Variants in CSMD1 observed in about 807,000 individuals in gnomAD.
The protein encoded by CSMD1 is CUB and sushi domain-containing protein 1.
In CSMD1, 213 loss-of-function variants were observed where a neutral mutation model predicts 417.5. The ratio of observed to expected loss-of-function variants is 0.51; its 90% CI spans 0.46 to 0.57. The LOEUF (loss-of-function observed/expected upper bound fraction) is 0.57, where lower values mean the gene tolerates loss of function less well. Among genes scored for constraint, CSMD1 ranks in the 20% least tolerant of loss-of-function variants. CSMD1 has a pLI of 0.00. For synonymous variants in CSMD1, 2,862 were observed against 1,736.8 expected (o/e 1.65, Z -16.11); for missense variants, 6,923 against 4,529.7 (o/e 1.53, Z -15.17).
chr8:4,753,318 G>A (rs1387953720), intron 1 of CSMD1, among the ~76,000 whole-genome samples: 1 of 151,596 alleles, frequency 6.6e-6, no homozygotes, highest in African/African-American at 2.4e-5. Flanking sequence ...TAAATGACCA[G>A]GATAAAAGGG....
chr8:4,002,165 T>G (rs1462148177), intron 4 of CSMD1, among the ~76,000 whole-genome samples: 1 of 152,054 alleles, frequency 6.6e-6, no homozygotes, highest in Non-Finnish European at 1.5e-5. Context: ...CAGAAAATCT[T>G]TAGCACAGAA....
chr8:3,268,818 A>T (rs1801626972), intron 26 of CSMD1, among the ~76,000 whole-genome samples: 1 of 152,000 alleles, frequency 6.6e-6, no homozygotes, highest in South Asian at 2.1e-4. Context: ...GTCCTGGGGG[A>T]CAGTGGGGCC....
At chr8:4,233,358 T>G (rs1014299878) in intron 3 of CSMD1, among the ~76,000 whole-genome samples, 9 of 152,188 alleles carry the variant, frequency 5.9e-5, no homozygotes, top group African/African-American at 1.7e-4. Flanking sequence ...CCTACATTAG[T>G]TTTTCTCAGT....
At chr8:3,876,272 A>G (rs1175814271) in intron 5 of CSMD1, among the ~76,000 whole-genome samples, 1 of 152,140 alleles carries the variant, frequency 6.6e-6, no homozygotes, top group Non-Finnish European at 1.5e-5. Context: ...GTGTTGTTTT[A>G]TTTACCTTAG....
At chr8:3,402,572 GAATA>G (rs888342865) in intron 15 of CSMD1, among the ~76,000 whole-genome samples, 6 of 152,106 alleles carry the variant, frequency 3.9e-5, no homozygotes, top group Admixed American at 1.3e-4. Flanking sequence ...AATTCTGCCA[GAATA>G]AATAAATAAC....
At chr8:3,732,363 T>G (rs1250903753) in intron 6 of CSMD1, among the ~76,000 whole-genome samples, 10 of 151,840 alleles carry the variant, frequency 6.6e-5, no homozygotes, top group Admixed American at 6.6e-4. Context: ...AGTAAACCAA[T>G]GAAATTTTAT....
intron 1 of CSMD1, among the ~76,000 whole-genome samples, chr8:4,700,289 A>G (rs1467987606): frequency 6.6e-6 from 1 of 152,112 alleles, no homozygotes; most frequent in Non-Finnish European, 1.5e-5. Context: ...TGTGAGTATT[A>G]TAAACCAACG....
chr8:3,595,397 T>G (rs1014063235), intron 8 of CSMD1, among the ~76,000 whole-genome samples: 2 of 152,208 alleles, frequency 1.3e-5, no homozygotes, highest in African/African-American at 4.8e-5. Flanking sequence ...TCTGGGTCAT[T>G]TTTTCTTTTC....
chr8:4,836,399 C>G (rs951014159), intron 1 of CSMD1, among the ~76,000 whole-genome samples: 3 of 152,184 alleles, frequency 2.0e-5, no homozygotes, highest in African/African-American at 7.2e-5. Context: ...GACGCCTCAG[C>G]TGGGATTGTT....
intron 5 of CSMD1, among the ~76,000 whole-genome samples, chr8:3,914,858 A>T (rs1400303628): frequency 1.3e-5 from 2 of 152,174 alleles, no homozygotes; most frequent in Non-Finnish European, 2.9e-5. Flanking sequence ...TCCAAGGCAC[A>T]CATCATACAG....
chr8:4,760,994 T>G (rs1420237621), intron 1 of CSMD1, among the ~76,000 whole-genome samples: 1 of 152,126 alleles, frequency 6.6e-6, no homozygotes, highest in East Asian at 1.9e-4. Context: ...CTCACCTCCC[T>G]TTATCATTGT....
At chr8:4,071,545 A>G (rs997053875) in intron 3 of CSMD1, among the ~76,000 whole-genome samples, 1 of 152,186 alleles carries the variant, frequency 6.6e-6, no homozygotes, top group African/African-American at 2.4e-5. Context: ...CAGCTGCATT[A>G]AAATCCTTCT....
intron 2 of CSMD1, among the ~76,000 whole-genome samples, chr8:4,519,957 G>C (rs1358326268): frequency 1.4e-5 from 2 of 146,214 alleles, no homozygotes; most frequent in Admixed American, 1.4e-4. Flanking sequence ...GTGTGTGTGT[G>C]GTGTGTATAC....
chr8:3,083,110 T>A (rs1230917113), intron 49 of CSMD1, among the ~76,000 whole-genome samples: 1 of 152,176 alleles, frequency 6.6e-6, no homozygotes, highest in African/African-American at 2.4e-5. Context: ...TATTTATTTT[T>A]ATTTCATAAT....
At chr8:4,179,134 A>G (rs1422224626) in intron 3 of CSMD1, among the ~76,000 whole-genome samples, 1 of 152,212 alleles carries the variant, frequency 6.6e-6, no homozygotes, top group Non-Finnish European at 1.5e-5. Flanking sequence ...ATCCTAAGCC[A>G]AAGGAAGAAA....
At chr8:3,038,259 C>A (rs1810827116) in intron 50 of CSMD1, among the ~76,000 whole-genome samples, 1 of 152,130 alleles carries the variant, frequency 6.6e-6, no homozygotes, top group Admixed American at 6.5e-5. Flanking sequence ...TGAAGTTTTG[C>A]AACTTTATTA....
In CSMD1 at chr8:4,916,666, A is replaced by G. The variant is rs578183303; in HGVS notation, c.85+77666T>C. Among the ~76,000 whole-genome samples, 13 of 152,342 alleles carry G rather than the reference A, an allele frequency of 8.5e-5. 1 individual carries two copies. The East Asian group carries it at 1.3e-3, about 16-fold the overall frequency. On this transcript the variant is annotated intron_variant, in intron 1 of 69. Coordinates refer to ENST00000635120, the MANE Select transcript of CSMD1 (RefSeq NM_033225.6). ...TAAAAATACTTTACACAAAGAGTCT[A>G]GGCATTTTTTTACAGCTGATTTTAT...
At chr8:4,237,463 A>C (rs2128819047) in intron 3 of CSMD1, among the ~76,000 whole-genome samples, 1 of 152,294 alleles carries the variant, frequency 6.6e-6, no homozygotes, top group Middle Eastern at 3.4e-3. Flanking sequence ...AGAGCTTTGA[A>C]GTGAGGAATA....
intron 1 of CSMD1, among the ~76,000 whole-genome samples, chr8:4,797,508 T>C (rs1274237602): frequency 1.3e-5 from 2 of 152,160 alleles, no homozygotes; most frequent in Non-Finnish European, 2.9e-5. Context: ...CCAGCACTTT[T>C]AATGCAAAAA....
Sources: allele counts gnomAD v4.1 joint callset (sites outside exome capture counted in the v4.1 genomes callset), GRCh38; gene constraint gnomAD v4.1.1; transcripts MANE v1.5; gene names NCBI Gene and HGNC (gene_info 2026-07-23, HGNC 2026-07-21).